MAP7: variants seen among roughly 807,000 people sequenced by gnomAD.
MAP7 encodes microtubule associated protein 7.
In MAP7, 52 loss-of-function variants were observed where a neutral mutation model predicts 94.8. The observed-to-expected ratio is 0.55, with a 90% CI of 0.44 to 0.69. The LOEUF is 0.69. Ranked by LOEUF, MAP7 falls within the 30% of genes least tolerant of loss-of-function variation. The pLI is 0.00. For synonymous variants in MAP7, 350 were observed against 357.0 expected (o/e 0.98, Z 0.22); for missense variants, 940 against 964.6 (o/e 0.97, Z 0.34).
rs1173166140 is a variant in MAP7 at position 136,508,463 on chromosome 6, A to AT, written c.67+41878dup. Among the ~76,000 whole-genome samples the AT allele has an allele frequency of 3.9e-5, 6 of 152,292 alleles. No individual in the cohort carries two copies. In the South Asian group the frequency reaches 6.2e-4, roughly 16 times the overall value. On this transcript the variant is annotated intron_variant, in intron 1 of 17. Transcript: ENST00000354570. Reference sequence around the variant, plus strand: ...CATCAGCATCAGGATAAAGAAATTAATTTTTTTATCAAATGTTAACTTAAC... The same window carrying AT: ...CATCAGCATCAGGATAAAGAAATTAATTTTTTTTATCAAATGTTAACTTAAC...
rs1792396737 is a variant in MAP7 at position 136,360,722 on chromosome 6, T to C, written c.1778A>G (p.Glu593Gly). 3 of 1,614,062 alleles carry C rather than the reference T, an allele frequency of 1.9e-6. No homozygotes were observed. The highest frequency in any genetic ancestry group is 1.7e-5 in the Admixed American group (1 of 60,002). Residue 593 changes from glutamate (E) to glycine (G), a missense_variant, in exon 13 of 18, where the codon GAG becomes GGG. Physicochemically the swap from Glu to Gly is moderately conservative, Grantham distance 98. Coordinates refer to ENST00000354570, the MANE Select transcript of MAP7 (RefSeq NM_003980.6). ...CTTCTTTCTCTCCAGGCGCTCTTGC[T>C]CTTCTCTCTGGAAATGCTTCTCTCG... The part of the protein sequence containing the change: ...QEREKHFQRE[E>G]QERLERKKRL...
chr6:136,362,627 G>T lies in MAP7; in HGVS notation c.1349C>A (p.Thr450Asn). Residue 450 changes from threonine to asparagine, a missense_variant, in exon 11 of 18, where the codon ACC becomes AAC. Transcript: ENST00000354570. ...ASAPAPAPVP[T>N]PAMVSAPSST... ...TGACGGGGCTGAGACCATGGCTGGGGTGGGGACCGGGGCTGGAGCTGGGGC... is the reference window on the plus strand; with the variant it reads ...TGACGGGGCTGAGACCATGGCTGGGTTGGGGACCGGGGCTGGAGCTGGGGC... 1 of 1,612,972 alleles carries T rather than the reference G, an allele frequency of 6.2e-7. No homozygotes were observed. Among genetic ancestry groups the T allele is most frequent in the Non-Finnish European group, 8.5e-7 (1 of 1,179,490 alleles).
At chr6:136,503,489 C>T (rs1820433794) in intron 1 of MAP7, among the ~76,000 whole-genome samples, 1 of 152,120 alleles carries the variant, frequency 6.6e-6, no homozygotes, top group Admixed American at 6.5e-5. Flanking sequence ...TTGCCCTTCC[C>T]ACAGATCCGC....
chr6:136,534,237 G>A (rs1301520339), intron 1 of MAP7, among the ~76,000 whole-genome samples: 1 of 152,142 alleles, frequency 6.6e-6, no homozygotes, highest in South Asian at 2.1e-4. Context: ...TGCCACTGTG[G>A]GGACAAACAA....
chr6:136,492,868 C>T (rs767032308), intron 1 of MAP7, among the ~76,000 whole-genome samples: 3 of 151,948 alleles, frequency 2.0e-5, no homozygotes, highest in Non-Finnish European at 4.4e-5. Context: ...TAATGTCTGT[C>T]TACTTGGAAG....
intron 1 of MAP7, among the ~76,000 whole-genome samples, chr6:136,435,715 C>T (rs1360591320): frequency 6.6e-6 from 1 of 151,880 alleles, no homozygotes; most frequent in East Asian, 1.9e-4. Context: ...AGTTTGGTTT[C>T]CAAGTAGAGG....
chr6:136,376,710 T>A (rs1292972758), intron 7 of MAP7, among the ~76,000 whole-genome samples: 1 of 152,242 alleles, frequency 6.6e-6, no homozygotes, highest in Non-Finnish European at 1.5e-5. Flanking sequence ...AGTCACTTAT[T>A]GTCGCTGCAC....
chr6:136,514,580 CAAAAAAAA>C (rs1046225937), intron 1 of MAP7, among the ~76,000 whole-genome samples: 100 of 49,050 alleles, frequency 2.0e-3, no homozygotes, highest in Middle Eastern at 0.014. Context: ...GACTCTGTCT[CAAAAAAAA>C]AAAAAAAAAA....
At chr6:136,365,703 A>C in intron 10 of MAP7, 32 bp downstream of exon 10, 1 of 1,596,008 alleles carries the variant, frequency 6.3e-7, no homozygotes, top group Non-Finnish European at 8.5e-7. Context: ...AAAAAGAGAG[A>C]GCACCCAGAC....
chr6:136,446,405 A>G (rs1799371007), intron 1 of MAP7, among the ~76,000 whole-genome samples: 1 of 152,226 alleles, frequency 6.6e-6, no homozygotes, highest in Admixed American at 6.5e-5. Context: ...ACACACCACC[A>G]TCCAGGAGTT....
Position 136,421,862 on chromosome 6 carries a change from T to C in MAP7, c.68-63A>G. On this transcript the variant is annotated intron_variant, in intron 1 of 17. Coordinates refer to ENST00000354570, the MANE Select transcript of MAP7 (RefSeq NM_003980.6). Reference sequence around the variant, plus strand: ...TTTCTTAAAATTTCTTCAGAAACATTTAAGTATTCGACATTTACTGTTAAC... The same window carrying C: ...TTTCTTAAAATTTCTTCAGAAACATCTAAGTATTCGACATTTACTGTTAAC... 2.3e-6 allele frequency: 3 copies of C among 1,292,284 alleles called. No homozygotes were observed. The South Asian group carries it at 4.1e-5, about 18-fold the overall frequency. The allele number at this position is 1,292,284 out of a possible 1,614,324, so 80.1% of individuals were successfully genotyped here. A position where few individuals can be genotyped will look rare whatever the true frequency, so the allele number is the denominator to read the frequency against.
intron 1 of MAP7, among the ~76,000 whole-genome samples, chr6:136,461,938 CTTT>C (rs1207173944): frequency 6.6e-6 from 1 of 152,076 alleles, no homozygotes; most frequent in Non-Finnish European, 1.5e-5. Context: ...TATTTTAAAA[CTTT>C]AAGTTTTAAA....
At chr6:136,414,088 A>G (rs2128748003) in intron 2 of MAP7, among the ~76,000 whole-genome samples, 1 of 151,442 alleles carries the variant, frequency 6.6e-6, no homozygotes, top group Non-Finnish European at 1.5e-5. Context: ...TCTCTACTAA[A>G]AATACAAAAA....
chr6:136,354,308 A>G (rs936440344), intron 16 of MAP7, among the ~76,000 whole-genome samples: 1 of 145,226 alleles, frequency 6.9e-6, no homozygotes, highest in Non-Finnish European at 1.5e-5. Context: ...TCCTTTATAT[A>G]AATTCCTTTA....
intron 1 of MAP7, among the ~76,000 whole-genome samples, chr6:136,547,294 T>C (rs1047359324): frequency 1.3e-5 from 2 of 152,242 alleles, no homozygotes; most frequent in Non-Finnish European, 2.9e-5. Context: ...GTTATTGGCA[T>C]TAACTTATTC....
At chr6:136,458,173 C>T (rs1803980570) in intron 1 of MAP7, among the ~76,000 whole-genome samples, 1 of 152,094 alleles carries the variant, frequency 6.6e-6, no homozygotes, top group Admixed American at 6.6e-5. Flanking sequence ...AGAAAACAAT[C>T]CTATCTACAA....
rs150119206 is a variant in MAP7, at chr6:136,424,946, C to T, written c.68-3147G>A. ...AACAGCAAAAGCTTAAACTCAGTTC[C>T]CAGCTCTGTATAGTCCCTTATCCAT... is the stretch of plus-strand genomic sequence containing the variant. On this transcript the variant is annotated intron_variant, in intron 1 of 17. Coordinates refer to ENST00000354570, the MANE Select transcript of MAP7 (RefSeq NM_003980.6). Among the ~76,000 whole-genome samples, 10 of 152,320 alleles carry T rather than the reference C, an allele frequency of 6.6e-5. No individual in the cohort carries two copies. The East Asian group carries it at 1.9e-3, about 29-fold the overall frequency.
At chr6:136,434,143 T>C (rs1477444722) in intron 1 of MAP7, among the ~76,000 whole-genome samples, 2 of 151,636 alleles carry the variant, frequency 1.3e-5, no homozygotes, top group African/African-American at 2.4e-5. Context: ...CCGTCTCTAC[T>C]AAAAAATACA....
intron 1 of MAP7, among the ~76,000 whole-genome samples, chr6:136,482,896 A>G (rs1292558509): frequency 2.6e-5 from 4 of 152,120 alleles, no homozygotes; most frequent in South Asian, 4.1e-4. Flanking sequence ...AAAAAAATAT[A>G]TATTCCATTT....
Sources: gnomAD v4.1 joint callset for allele counts (sites outside exome capture counted in the v4.1 genomes callset) on GRCh38, gnomAD v4.1.1 for gene constraint, MANE v1.5 for transcripts, NCBI Gene and HGNC (gene_info 2026-07-23, HGNC 2026-07-21) for gene names.